Variants in ABCB7 observed in about 807,000 individuals in gnomAD.
The protein encoded by ABCB7 is ATP binding cassette subfamily B member 7.
ABCB7 carries 7 observed loss-of-function variants against 54.4 expected under a neutral mutation model. The ratio of observed to expected loss-of-function variants is 0.13; its 90% CI spans 0.07 to 0.24. The LOEUF (loss-of-function observed/expected upper bound fraction) is 0.24, where lower values mean the gene tolerates loss of function less well. Ranked by LOEUF, ABCB7 falls within the 10% of genes least tolerant of loss-of-function variation. ABCB7 has a pLI of 1.00. For synonymous variants in ABCB7, 218 were observed against 207.1 expected, an observed-to-expected ratio of 1.05 and a Z score of -0.45; for missense variants, 356 against 570.4, an observed-to-expected ratio of 0.62 and a Z score of 3.83.
chrX:75,135,792 A>G (rs765035788), intron 1 of ABCB7, among the ~76,000 whole-genome samples: 3 of 111,836 alleles, frequency 2.7e-5, no homozygotes, highest in Non-Finnish European at 5.6e-5. Context: ...CTTCATGTTA[A>G]AAAACCATCA....
intron 1 of ABCB7, among the ~76,000 whole-genome samples, chrX:75,143,833 C>A (rs748001548): frequency 1.2e-4 from 13 of 111,070 alleles, no homozygotes; most frequent in Non-Finnish European, 2.5e-4. Flanking sequence ...CCCCAAAATT[C>A]AATCACCTCC....
intron 5 of ABCB7, among the ~76,000 whole-genome samples, 168 bp from the exon 6 acceptor site, chrX:75,075,798 T>C (rs1424281607): frequency 3.6e-5 from 4 of 111,666 alleles, no homozygotes; most frequent in African/African-American, 9.8e-5. Flanking sequence ...GCCTAATGAG[T>C]ATTAACTTTT....
At chrX:75,098,466 A>G (rs969581607) in intron 4 of ABCB7, among the ~76,000 whole-genome samples, 8 of 111,445 alleles carry the variant, frequency 7.2e-5, no homozygotes, top group Non-Finnish European at 1.1e-4. Context: ...GAACGTACCA[A>G]AACAGTCAGG....
At chrX:75,132,649 G>A (rs2081983675) in intron 1 of ABCB7, among the ~76,000 whole-genome samples, 1 of 112,101 alleles carries the variant, frequency 8.9e-6, no homozygotes, top group South Asian at 3.7e-4. Context: ...AAATACAGAG[G>A]AACTGCACAG....
rs982476642 is a variant in ABCB7 at position 75,089,847 on chromosome X, C to T, written c.453+9095G>A. On this transcript the variant is annotated intron_variant, in intron 4 of 15. Transcript: ENST00000373394. ...TTTTAAAAGATGATCCAATTACAGACCCAATTTTAAATATCAAGACATAAT... is the reference window on the plus strand; with the variant it reads ...TTTTAAAAGATGATCCAATTACAGATCCAATTTTAAATATCAAGACATAAT... Among the ~76,000 whole-genome samples the T allele has an allele frequency of 3.7e-5, 4 of 109,352 alleles. 1 individual carries two copies. Among genetic ancestry groups the T allele is most frequent in the Non-Finnish European group, 3.8e-5 (2 of 52,078 alleles). The allele number at this position is 109,352 out of a possible 115,157, so 95.0% of individuals were successfully genotyped here. A position where few individuals can be genotyped will look rare whatever the true frequency, so the allele number is the denominator to read the frequency against.
chrX:75,141,210 G>T (rs774943258), intron 1 of ABCB7, among the ~76,000 whole-genome samples: 5 of 111,932 alleles, frequency 4.5e-5, no homozygotes, highest in Admixed American at 9.5e-5. Context: ...CCACAGCAAA[G>T]AATAGACAAT....
Position 75,114,817 on chromosome X carries a change from T to C in ABCB7, c.183A>G (p.Leu61=). The C allele has an allele frequency of 8.3e-7, 1 of 1,199,358 alleles. No homozygotes were observed. The highest frequency in any genetic ancestry group is 1.1e-6 in the Non-Finnish European group (1 of 887,237). Residue 61 remains leucine (L), a synonymous_variant, in exon 2 of 16, where the codon TTA becomes TTG. Transcript: ENST00000373394. ...TARAYQIPES[L]KSITWQRLGK... is the part of the protein sequence containing the mutation. The stretch of plus-strand genomic sequence containing the variant: ...CCAATCTCTGCCATGTGATACTTTT[T>C]AATGACTCTGGAATCTGCTGACAAG...
chrX:75,112,178 A>G (rs901199067), intron 3 of ABCB7, among the ~76,000 whole-genome samples: 3 of 111,796 alleles, frequency 2.7e-5, no homozygotes, highest in Non-Finnish European at 5.6e-5. Flanking sequence ...CAATTTAAAG[A>G]GTACTTTTAC....
intron 1 of ABCB7, among the ~76,000 whole-genome samples, chrX:75,129,456 A>G (rs1357924171): frequency 9.1e-6 from 1 of 110,182 alleles, no homozygotes; most frequent in Non-Finnish European, 1.9e-5. Flanking sequence ...GGGGTTGGGG[A>G]GCAAGGGAAG....
rs2081615654 is a variant in ABCB7 at position 75,098,961 on chromosome X, C to G, written c.434G>C (p.Gly145Ala). The change falls in exon 4 of 16, where the codon GGA becomes GCA. Residue 145 changes from glycine (G) to alanine (A), a missense_variant. Physicochemically the swap from Gly to Ala is moderately conservative, Grantham distance 60. This residue lies in a region of ABCB7 where 241 missense variants were observed against 470.9 expected (regional missense o/e 0.51). Transcript: ENST00000373394. The part of the protein sequence containing the change: ...DLRARVAISL[G>A]FLGGAKAMNI... ...TCTTACCTTTGCACCACCCAAAAATCCCAGCGAAATGGCAACTCTAGCTCG... is the reference window on the plus strand; with the variant it reads ...TCTTACCTTTGCACCACCCAAAAATGCCAGCGAAATGGCAACTCTAGCTCG... 3 of 1,209,842 alleles carry G rather than the reference C, an allele frequency of 2.5e-6. No homozygotes were observed. The African/African-American group carries it at 5.2e-5, about 21-fold the overall frequency.
chrX:75,128,209 C>T (rs1364749632), intron 1 of ABCB7, among the ~76,000 whole-genome samples: 1 of 111,417 alleles, frequency 9.0e-6, no homozygotes, highest in East Asian at 2.8e-4. Flanking sequence ...TACTACAAGG[C>T]TATGGTAACC....
chrX:75,065,321 T>C lies in ABCB7; in HGVS notation c.1660-80A>G, dbSNP rs1189447759. On this transcript the variant is annotated intron_variant, in intron 12 of 15. Coordinates refer to ENST00000373394, the MANE Select transcript of ABCB7 (RefSeq NM_001271696.3). ...TTATGTTCATTATTAAAAATTCAAA[T>C]AGTAAAGAGACAAAGGCATAAAGGG... The C allele has an allele frequency of 9.5e-6, 9 of 942,705 alleles. No homozygotes were observed. The Admixed American group carries it at 2.1e-4, about 22-fold the overall frequency. The allele number at this position is 942,705 out of a possible 1,213,427, so 77.7% of individuals were successfully genotyped here.
chrX:75,153,775 A>ATATATATAT (rs1569253219), intron 1 of ABCB7, among the ~76,000 whole-genome samples: 4 of 26,617 alleles, frequency 1.5e-4, no homozygotes, highest in East Asian at 1.9e-3. Flanking sequence ...TATATATATA[A>ATATATATAT]AATATATATG....
chrX:75,063,477 A>T (rs1458540027), intron 13 of ABCB7, among the ~76,000 whole-genome samples: 1 of 110,986 alleles, frequency 9.0e-6, no homozygotes, highest in Non-Finnish European at 1.9e-5. Flanking sequence ...TGGCCTATAA[A>T]GGGGTTCCTT....
chrX:75,070,371 T>C lies in ABCB7; in HGVS notation c.1359A>G (p.Gln453=). The part of the protein sequence containing the change: ...TLFTLLKVDT[Q]IKDKVMASPL... ...TACTATATAGATTACTTACTTTAAT[T>C]TGGGTGTCTACCTTGAGTAGAGTAA... is the stretch of plus-strand genomic sequence containing the variant. Residue 453 remains glutamine, a synonymous_variant, in exon 10 of 16, where the codon CAA becomes CAG. Coordinates refer to ENST00000373394, the MANE Select transcript of ABCB7 (RefSeq NM_001271696.3). 1 of 1,208,308 alleles carries C rather than the reference T, an allele frequency of 8.3e-7. No individual in the cohort carries two copies. Among genetic ancestry groups the C allele is most frequent in the East Asian group, 3.0e-5 (1 of 33,773 alleles).
At chrX:75,080,232 T>C (rs766313449) in intron 4 of ABCB7, among the ~76,000 whole-genome samples, 3 of 112,129 alleles carry the variant, frequency 2.7e-5, no homozygotes, top group Non-Finnish European at 5.6e-5. Flanking sequence ...AAGAGTCCAA[T>C]TGCTAAGTCA....
intron 15 of ABCB7, among the ~76,000 whole-genome samples, chrX:75,056,678 T>A (rs1479436299): frequency 5.4e-5 from 6 of 110,667 alleles, no homozygotes; most frequent in Non-Finnish European, 1.9e-5. Context: ...AGTTGGGACA[T>A]TTTTTTTAAA....
At chrX:75,101,455 A>C (rs2081639182) in intron 3 of ABCB7, among the ~76,000 whole-genome samples, 1 of 110,813 alleles carries the variant, frequency 9.0e-6, no homozygotes, top group Admixed American at 9.6e-5. Context: ...TAAAAACACA[A>C]GAGTTATCTT....
At chrX:75,124,672 G>A (rs958091763) in intron 1 of ABCB7, among the ~76,000 whole-genome samples, 2 of 111,716 alleles carry the variant, frequency 1.8e-5, no homozygotes, top group Admixed American at 1.9e-4. Context: ...ATCATATTAA[G>A]AGTGAATATA....
Sources: gnomAD v4.1 joint callset for allele counts (sites outside exome capture counted in the v4.1 genomes callset) on GRCh38, gnomAD v4.1.1 for gene constraint, gnomAD v4.1.1 regional missense constraint, MANE v1.5 for transcripts, NCBI Gene and HGNC (gene_info 2026-07-23, HGNC 2026-07-21) for gene names.